DNAH17: variants seen among roughly 807,000 people sequenced by gnomAD.
DNAH17 encodes the protein axonemal beta dynein heavy chain 17.
In DNAH17, 376 loss-of-function variants were observed where a neutral mutation model predicts 485.6. The ratio of observed to expected loss-of-function variants is 0.77; its 90% CI spans 0.71 to 0.84. The LOEUF (loss-of-function observed/expected upper bound fraction) is 0.84, where lower values mean the gene tolerates loss of function less well. DNAH17 is among the 40% of genes least tolerant of loss of function. DNAH17 has a pLI of 0.00. For missense variants in DNAH17, 6,370 were observed against 5,839.3 expected (o/e 1.09, Z -2.96); for synonymous variants, 3,031 against 2,405.9 (o/e 1.26, Z -7.60).
chr17:78,558,213 C>T lies in DNAH17; in HGVS notation c.2073G>A (p.Gln691=), dbSNP rs777784723. 6.2e-7 allele frequency: 1 copy of T among 1,613,790 alleles called. No homozygotes were observed. The highest frequency in any genetic ancestry group is 8.5e-7 in the Non-Finnish European group (1 of 1,179,816). ...CACTGTCTGGAATCTCTTTCTGTTGCTGGAAATTCAAATACTTGACTTCTC... is the reference window on the plus strand; with the variant it reads ...CACTGTCTGGAATCTCTTTCTGTTGTTGGAAATTCAAATACTTGACTTCTC... ...VLREVKYLNF[Q]QQKEIPDSAE... The change falls in exon 14 of 81, where the codon CAG becomes CAA. Residue 691 remains glutamine, a synonymous_variant. Coordinates refer to ENST00000389840, the MANE Select transcript of DNAH17 (RefSeq NM_173628.4).
chr17:78,566,499 C>A, intron 11 of DNAH17, 115 bp downstream of exon 11: 1 of 771,028 alleles, frequency 1.3e-6, no homozygotes, highest in Admixed American at 2.4e-5. Flanking sequence ...CCCTCCCTCC[C>A]TGGACATCAG....
intron 31 of DNAH17, among the ~76,000 whole-genome samples, chr17:78,503,999 CAAAA>C (rs11369436): frequency 2.7e-5 from 4 of 146,684 alleles, no homozygotes; most frequent in African/African-American, 1.0e-4. Context: ...AACAAATGAA[CAAAA>C]AAAAAACCAT....
rs1598740904 is a variant in DNAH17 at position 78,566,994 on chromosome 17, C to T, written c.1452+5G>A. On this transcript the variant is annotated splice_donor_5th_base_variant and intron_variant, in intron 10 of 80. Coordinates refer to ENST00000389840, the MANE Select transcript of DNAH17 (RefSeq NM_173628.4). ...CAGTTCATCCAACCCTGCCCGAGGA[C>T]CTACCGAGTCTCCAGGGTCCAAGGG... The T allele has an allele frequency of 6.2e-7, 1 of 1,607,754 alleles. No individual in the cohort carries two copies. Among genetic ancestry groups the T allele is most frequent in the East Asian group, 2.2e-5 (1 of 44,794 alleles).
chr17:78,438,497 CTTT>C (rs1022048504), intron 73 of DNAH17, among the ~76,000 whole-genome samples: 1 of 106,652 alleles, frequency 9.4e-6, no homozygotes, highest in Admixed American at 1.0e-4. Context: ...CACTTGTCAT[CTTT>C]TTTTTTTATT....
chr17:78,560,136 G>A (rs961612625), intron 13 of DNAH17, among the ~76,000 whole-genome samples: 13 of 150,928 alleles, frequency 8.6e-5, no homozygotes, highest in African/African-American at 2.7e-4. Context: ...GTAGGCTCTA[G>A]GAGGGCAGGA....
intron 17 of DNAH17, among the ~76,000 whole-genome samples, chr17:78,542,439 C>A (rs541205518): frequency 6.6e-6 from 1 of 152,184 alleles, no homozygotes; most frequent in Non-Finnish European, 1.5e-5. Flanking sequence ...TGAGCCACTA[C>A]GCCCAGCCGT....
At position 78,444,585 on chromosome 17, in the gene DNAH17, G is replaced by A. The variant is rs371565284; in HGVS notation, c.11528+19C>T. 17 of 1,533,842 alleles carry A rather than the reference G, an allele frequency of 1.1e-5. No homozygotes were observed. The East Asian group carries it at 1.5e-4, about 13-fold the overall frequency. On this transcript the variant is annotated intron_variant, in intron 71 of 80. Coordinates refer to ENST00000389840, the MANE Select transcript of DNAH17 (RefSeq NM_173628.4). ...CCTGGGCCTCGGGGGCGGGGCCCCC[G>A]GCGCGGCGGGACACTCACTTGATAG...
chr17:78,560,486 C>G (rs559020067), intron 13 of DNAH17, among the ~76,000 whole-genome samples: 7 of 152,032 alleles, frequency 4.6e-5, no homozygotes, highest in Admixed American at 2.0e-4. Context: ...TTTTCCCCCC[C>G]CCCAGTTTCA....
At position 78,558,262 on chromosome 17, in the gene DNAH17, A is replaced by G; in HGVS notation, c.2032-8T>C. 10 of 1,612,972 alleles carry G rather than the reference A, an allele frequency of 6.2e-6. No homozygotes were observed. Among genetic ancestry groups the G allele is most frequent in the Non-Finnish European group, 8.5e-6 (10 of 1,179,464 alleles). On this transcript the variant is annotated splice_region_variant and splice_polypyrimidine_tract_variant and intron_variant, in intron 13 of 80. Transcript: ENST00000389840. ...TCTCAGAACTGCCACCAACTAAATG[A>G]CAAACGAAGATCAAAGAACATGTCA...
At position 78,431,433 on chromosome 17, in the gene DNAH17, G is replaced by A. The variant is rs77000873; in HGVS notation, c.12226-2133C>T. Among the ~76,000 whole-genome samples, 374 of 147,880 alleles carry A rather than the reference G, an allele frequency of 2.5e-3. 12 individuals carry two copies. The East Asian group carries it at 0.054, about 21-fold the overall frequency. On this transcript the variant is annotated intron_variant, in intron 75 of 80. Transcript: ENST00000389840. The stretch of plus-strand genomic sequence containing the variant: ...GGGGTGAGTGCTGTCTGCATTTCCC[G>A]TACCTGCTGAGGGAACCCCCCACCC...
At chr17:78,482,503 A>C (rs925442633) in intron 48 of DNAH17, among the ~76,000 whole-genome samples, 1 of 152,090 alleles carries the variant, frequency 6.6e-6, no homozygotes, top group African/African-American at 2.4e-5. Flanking sequence ...TCACTGAGCA[A>C]AATTCCTTAA....
intron 30 of DNAH17, among the ~76,000 whole-genome samples, chr17:78,506,474 G>A (rs2090487704): frequency 6.6e-6 from 1 of 152,170 alleles, no homozygotes; most frequent in African/African-American, 2.4e-5. Flanking sequence ...GGAAAATGAG[G>A]CACAGAGAGG....
chr17:78,437,533 G>A (rs1051231292), intron 74 of DNAH17, 108 bp downstream of exon 74: 18 of 734,850 alleles, frequency 2.4e-5, no homozygotes, highest in East Asian at 5.6e-5. Flanking sequence ...CCAGAGGGGA[G>A]GTGTCCCCAG....
chr17:78,561,568 C>A (rs1024689858), intron 12 of DNAH17, 147 bp downstream of exon 12: 3 of 982,012 alleles, frequency 3.1e-6, no homozygotes, highest in African/African-American at 3.3e-5. Context: ...GAGGGAGGAC[C>A]AGAAGGGGTC....
chr17:78,463,395 C>T (rs367793216), intron 56 of DNAH17, among the ~76,000 whole-genome samples: 13 of 152,352 alleles, frequency 8.5e-5, no homozygotes, highest in Middle Eastern at 3.4e-3. Context: ...TGCATATATA[C>T]GCGTGCACAC....
intron 30 of DNAH17, 32 bp from the exon 31 acceptor site, chr17:78,505,477 A>T (rs768905177): frequency 1.2e-6 from 2 of 1,613,300 alleles, no homozygotes; most frequent in African/African-American, 2.7e-5. Context: ...GAATTATGCA[A>T]CGGGGGATTT....
At position 78,507,322 on chromosome 17, in the gene DNAH17, G is replaced by T. The variant is rs556671206; in HGVS notation, c.4632C>A (p.Thr1544=). The T allele has an allele frequency of 6.4e-5, 103 of 1,613,998 alleles. 1 individual carries two copies. The South Asian group carries it at 1.1e-3, about 17-fold the overall frequency. Residue 1544 remains threonine (T), a synonymous_variant, in exon 29 of 81, where the codon ACC becomes ACA. Transcript: ENST00000389840. ...GTTTATTGTAGAGGCCGGGTTTGCT[G>T]GTGGCTTCCACCACGTTGGGTGTTT... ...AVKTPNVVEA[T]SKPGLYNKLE... is the part of the protein sequence containing the mutation.
At chr17:78,499,864 C>G (rs1460592383) in intron 36 of DNAH17, 1 of 155,224 alleles carries the variant, frequency 6.4e-6, no homozygotes, top group African/African-American at 2.4e-5. Context: ...CCTTCCCCTC[C>G]CTGGCCTCCT....
intron 11 of DNAH17, among the ~76,000 whole-genome samples, chr17:78,566,354 G>A (rs979455675): frequency 1.3e-5 from 2 of 152,190 alleles, no homozygotes; most frequent in African/African-American, 2.4e-5. Context: ...GTTTCTTAGT[G>A]AGCATAAGAA....
Sources: allele counts gnomAD v4.1 joint callset (sites outside exome capture counted in the v4.1 genomes callset), GRCh38; gene constraint gnomAD v4.1.1; transcripts MANE v1.5; gene names NCBI Gene and HGNC (gene_info 2026-07-23, HGNC 2026-07-21).